The following TRPC4 variants were observed in gnomAD, a reference collection of about 807,000 sequenced individuals.
The protein encoded by TRPC4 is transient receptor potential cation channel subfamily C member 4.
TRPC4 carries 49 observed loss-of-function variants against 99.4 expected under a neutral mutation model. The observed-to-expected ratio is 0.49, with a 90% CI of 0.39 to 0.63. TRPC4 has a LOEUF of 0.63. TRPC4 is among the 20% of genes least tolerant of loss of function. TRPC4 has a pLI of 0.00. For synonymous variants in TRPC4, 454 were observed against 425.9 expected (o/e 1.07, Z -0.81); for missense variants, 898 against 1,152.9 (o/e 0.78, Z 3.20).
chr13:37,798,463 T>C (rs1957311864), intron 1 of TRPC4, among the ~76,000 whole-genome samples: 1 of 152,204 alleles, frequency 6.6e-6, no homozygotes, highest in South Asian at 2.1e-4. Context: ...AATTATTTAT[T>C]CCTCAGGGGA....
intron 5 of TRPC4, among the ~76,000 whole-genome samples, chr13:37,671,768 C>A (rs924358120): frequency 6.6e-6 from 1 of 152,064 alleles, no homozygotes; most frequent in African/African-American, 2.4e-5. Context: ...AGGAAAGGAG[C>A]ACCAAAAATG....
intron 2 of TRPC4, among the ~76,000 whole-genome samples, chr13:37,750,788 T>C (rs1955912400): frequency 1.3e-5 from 2 of 151,974 alleles, no homozygotes; most frequent in Non-Finnish European, 1.5e-5. Flanking sequence ...CCTAATGCTA[T>C]CCCTCCCCTA....
chr13:37,753,108 T>A (rs922980589), intron 2 of TRPC4, among the ~76,000 whole-genome samples: 1 of 152,076 alleles, frequency 6.6e-6, no homozygotes, highest in Admixed American at 6.6e-5. Flanking sequence ...GAGATTTTTT[T>A]AATCAGAAAA....
intron 4 of TRPC4, among the ~76,000 whole-genome samples, chr13:37,684,366 T>C (rs1208614520): frequency 6.6e-6 from 1 of 152,166 alleles, no homozygotes; most frequent in Admixed American, 6.5e-5. Context: ...GTACACATTT[T>C]TAAGTTTACC....
At chr13:37,679,237 C>G (rs549196114) in intron 4 of TRPC4, among the ~76,000 whole-genome samples, 1 of 152,036 alleles carries the variant, frequency 6.6e-6, no homozygotes, top group Non-Finnish European at 1.5e-5. Context: ...TTTGCTGCCT[C>G]CTGTGGTGGT....
chr13:37,670,647 A>T (rs1952807387), intron 5 of TRPC4, among the ~76,000 whole-genome samples: 1 of 152,192 alleles, frequency 6.6e-6, no homozygotes, highest in Non-Finnish European at 1.5e-5. Flanking sequence ...TCCTATGTTC[A>T]CTGCTCTATT....
intron 2 of TRPC4, among the ~76,000 whole-genome samples, chr13:37,756,578 G>C (rs938037716): frequency 6.7e-6 from 1 of 149,574 alleles, no homozygotes; most frequent in Admixed American, 6.7e-5. Context: ...TGTCACCCAG[G>C]TTGGAGTGTA....
At chr13:37,745,459 T>TATATACGC (rs1555265740) in intron 3 of TRPC4, among the ~76,000 whole-genome samples, 2 of 86,860 alleles carry the variant, frequency 2.3e-5, no homozygotes, top group African/African-American at 1.7e-4. Context: ...TATATATATA[T>TATATACGC]ATATATATAT....
chr13:37,669,934 G>T (rs1395246469), intron 5 of TRPC4, among the ~76,000 whole-genome samples: 1 of 152,146 alleles, frequency 6.6e-6, no homozygotes, highest in African/African-American at 2.4e-5. Flanking sequence ...CAGTGTGATG[G>T]TATTTGGAGA....
At chr13:37,772,243 T>C (rs926393035) in intron 2 of TRPC4, among the ~76,000 whole-genome samples, 6 of 151,706 alleles carry the variant, frequency 4.0e-5, no homozygotes, top group African/African-American at 1.5e-4. Flanking sequence ...GGCTACTACA[T>C]CTATTACCTA....
At chr13:37,682,792 C>T (rs758458972) in intron 4 of TRPC4, among the ~76,000 whole-genome samples, 7 of 152,078 alleles carry the variant, frequency 4.6e-5, no homozygotes, top group Non-Finnish European at 1.0e-4. Context: ...ACCCTGTTTC[C>T]CAGGCTGCAG....
At chr13:37,846,793 C>G (rs1050104165) in intron 1 of TRPC4, among the ~76,000 whole-genome samples, 2 of 151,856 alleles carry the variant, frequency 1.3e-5, no homozygotes, top group Non-Finnish European at 2.9e-5. Context: ...AAAACAAGAT[C>G]CAACCATATT....
chr13:37,862,094 T>A (rs1959382956), intron 1 of TRPC4, among the ~76,000 whole-genome samples: 1 of 151,442 alleles, frequency 6.6e-6, no homozygotes, highest in Non-Finnish European at 1.5e-5. Flanking sequence ...AAGAAAACAC[T>A]AACAGTGGGC....
At chr13:37,805,978 G>A (rs753552021) in intron 1 of TRPC4, among the ~76,000 whole-genome samples, 1 of 151,990 alleles carries the variant, frequency 6.6e-6, no homozygotes, top group Non-Finnish European at 1.5e-5. Flanking sequence ...AAGAATCAGA[G>A]ATGTCATTAA....
At chr13:37,844,872 G>GAAGTAGGTACTT (rs1958849547) in intron 1 of TRPC4, among the ~76,000 whole-genome samples, 1 of 152,070 alleles carries the variant, frequency 6.6e-6, no homozygotes. Context: ...TGACCAAGCA[G>GAAGTAGGTACTT]CAATCCTAGG....
At chr13:37,847,264 T>C (rs1194589085) in intron 1 of TRPC4, among the ~76,000 whole-genome samples, 3 of 152,060 alleles carry the variant, frequency 2.0e-5, no homozygotes, top group Non-Finnish European at 4.4e-5. Flanking sequence ...ATATGGAACA[T>C]TCTCCAGGAT....
intron 3 of TRPC4, among the ~76,000 whole-genome samples, chr13:37,702,741 T>C (rs890588929): frequency 5.3e-5 from 8 of 152,130 alleles, no homozygotes; most frequent in African/African-American, 1.9e-4. Flanking sequence ...ACCCTACACA[T>C]AGGCAGTCAG....
chr13:37,769,826 C>G (rs1253624348), intron 2 of TRPC4, among the ~76,000 whole-genome samples: 1 of 151,544 alleles, frequency 6.6e-6, no homozygotes, highest in Non-Finnish European at 1.5e-5. Context: ...AGACATAGAT[C>G]AAACTGGTGT....
At chr13:37,761,939 C>T (rs1476595941) in intron 2 of TRPC4, among the ~76,000 whole-genome samples, 1 of 151,796 alleles carries the variant, frequency 6.6e-6, no homozygotes, top group East Asian at 1.9e-4. Flanking sequence ...ATGGCATCTG[C>T]TTCTTTATTG....
Sources: allele counts gnomAD v4.1 joint callset (sites outside exome capture counted in the v4.1 genomes callset), GRCh38; gene constraint gnomAD v4.1.1; transcripts MANE v1.5; gene names NCBI Gene and HGNC (gene_info 2026-07-23, HGNC 2026-07-21).